The following PLEKHA7 variants were observed in gnomAD, a reference collection of about 807,000 sequenced individuals.
PLEKHA7 encodes the protein pleckstrin homology domain-containing family A member 7.
PLEKHA7 carries 104 observed loss-of-function variants against 170.0 expected under a neutral mutation model. The ratio of observed to expected loss-of-function variants is 0.61; its 90% CI spans 0.52 to 0.72. PLEKHA7 has a LOEUF of 0.72. PLEKHA7 is among the 30% of genes least tolerant of loss of function. PLEKHA7 has a pLI of 0.00. For missense variants in PLEKHA7, 1,615 were observed against 1,671.7 expected, an observed-to-expected ratio of 0.97 and a Z score of 0.59; for synonymous variants, 648 against 660.8, an observed-to-expected ratio of 0.98 and a Z score of 0.30.
chr11:17,013,245 G>C (rs572874576), intron 3 of PLEKHA7: 1 of 152,472 alleles, frequency 6.6e-6, no homozygotes, highest in Admixed American at 6.5e-5. Flanking sequence ...CACTTACTGC[G>C]CCCCAATCTG....
chr11:16,782,605 C>A (rs1849118537), intron 26 of PLEKHA7, 149 bp downstream of exon 26: 2 of 1,003,908 alleles, frequency 2.0e-6, no homozygotes, highest in South Asian at 3.2e-5. Flanking sequence ...GGACAGGATG[C>A]CGAGTGGTCA....
intron 3 of PLEKHA7, among the ~76,000 whole-genome samples, chr11:17,003,444 C>T (rs1272760609): frequency 6.6e-6 from 1 of 152,206 alleles, no homozygotes; most frequent in East Asian, 1.9e-4. Context: ...TCACCCTGCC[C>T]CATAGCTGTG....
intron 3 of PLEKHA7, among the ~76,000 whole-genome samples, chr11:16,930,991 T>G (rs577709408): frequency 6.6e-6 from 1 of 152,258 alleles, no homozygotes; most frequent in East Asian, 1.9e-4. Flanking sequence ...GCCTAGCACC[T>G]GGCACCTAGG....
chr11:16,998,807 C>T (rs184280815), intron 3 of PLEKHA7, among the ~76,000 whole-genome samples: 126 of 151,900 alleles, frequency 8.3e-4, no homozygotes, highest in African/African-American at 2.9e-3. Flanking sequence ...TAGCATTCAA[C>T]CATATTTTTT....
chr11:16,953,045 G>A (rs1438686658), intron 3 of PLEKHA7, among the ~76,000 whole-genome samples: 2 of 152,220 alleles, frequency 1.3e-5, no homozygotes, highest in Admixed American at 6.5e-5. Context: ...CAAGATTTGG[G>A]GAACCCTTGC....
At chr11:16,981,460 C>T (rs1428546840) in intron 3 of PLEKHA7, among the ~76,000 whole-genome samples, 1 of 152,118 alleles carries the variant, frequency 6.6e-6, no homozygotes, top group Non-Finnish European at 1.5e-5. Context: ...CTTCCTGGAA[C>T]ACCTGCTGCT....
chr11:16,783,787 A>G lies in PLEKHA7; in HGVS notation c.3563T>C (p.Leu1188Pro). The change falls in exon 25 of 27, where the codon CTA becomes CCA. Residue 1188 changes from leucine (L) to proline (P), a missense_variant. Physicochemically the swap from Leu to Pro is moderately conservative, Grantham distance 98 (BLOSUM62 -3). Transcript: ENST00000531066. The part of the protein sequence containing the change: ...KVSIPERYVE[L>P]DPEEPPSLEE... The stretch of plus-strand genomic sequence containing the variant: ...AAGGCTGGGTGGCTCTTCGGGATCT[A>G]GCTCCACGTAGCGCTCAGGGATTGA... 1 of 1,513,570 alleles carries G rather than the reference A, an allele frequency of 6.6e-7. No homozygotes were observed. Among genetic ancestry groups the G allele is most frequent in the Non-Finnish European group, 8.8e-7 (1 of 1,136,060 alleles). 93.8% of individuals were successfully genotyped at this position (1,513,570 alleles called of 1,614,324 possible).
intron 12 of PLEKHA7, among the ~76,000 whole-genome samples, chr11:16,815,544 T>C (rs1206835491): frequency 6.6e-6 from 1 of 152,146 alleles, no homozygotes; most frequent in Non-Finnish European, 1.5e-5. Context: ...TCTTCTGCTT[T>C]GAGACAGTCT....
Position 16,816,961 on chromosome 11 carries a change from A to G in PLEKHA7, c.1705T>C (p.Ser569Pro). 1.2e-6 allele frequency: 2 copies of G among 1,611,444 alleles called. No homozygotes were observed. The highest frequency in any genetic ancestry group is 1.7e-6 in the Non-Finnish European group (2 of 1,178,630). Residue 569 changes from serine to proline, a missense_variant, in exon 11 of 27, where the codon TCT (serine) becomes CCT (proline). By Grantham distance (74) the Ser-to-Pro change is moderately conservative. Coordinates refer to ENST00000531066, the MANE Select transcript of PLEKHA7 (RefSeq NM_001329630.2). Reference protein sequence around the residue: ...EVPRSISVPPSPSDIPPPGPP... With the variant: ...EVPRSISVPPPPSDIPPPGPP... Reference sequence around the variant, plus strand: ...CCTGGGGGAGGGATGTCCGAGGGAGATGGAGGCACAGAGATGGAGCGGGGC... The same window carrying G: ...CCTGGGGGAGGGATGTCCGAGGGAGGTGGAGGCACAGAGATGGAGCGGGGC...
At chr11:16,924,925 G>A (rs1859394104) in intron 3 of PLEKHA7, among the ~76,000 whole-genome samples, 1 of 152,188 alleles carries the variant, frequency 6.6e-6, no homozygotes, top group South Asian at 2.1e-4. Context: ...GGGCTGGGAC[G>A]GGCGCCTGGA....
chr11:16,972,784 T>C (rs922040646), intron 3 of PLEKHA7, among the ~76,000 whole-genome samples: 1 of 152,168 alleles, frequency 6.6e-6, no homozygotes, highest in Non-Finnish European at 1.5e-5. Context: ...TAAATAGCCA[T>C]TAACTTACCA....
chr11:16,965,359 C>A (rs1266946704), intron 3 of PLEKHA7, among the ~76,000 whole-genome samples: 1 of 152,024 alleles, frequency 6.6e-6, no homozygotes. Flanking sequence ...CTATCTTAGA[C>A]CAATTCTTCC....
Position 16,915,621 on chromosome 11 carries a change from T to G in PLEKHA7, c.222-44439A>C, listed in dbSNP as rs1400756671. On this transcript the variant is annotated intron_variant, in intron 3 of 26. Coordinates refer to ENST00000531066, the MANE Select transcript of PLEKHA7 (RefSeq NM_001329630.2). Reference sequence around the variant, plus strand: ...AGTGAGAATATGCAGTGTTTGGTTTTTTGTTCTTGCGATAGTTTACTGAGA... The same window carrying G: ...AGTGAGAATATGCAGTGTTTGGTTTGTTGTTCTTGCGATAGTTTACTGAGA... 4.6e-5 allele frequency among the ~76,000 whole-genome samples: 7 copies of G among 151,144 alleles called. No individual in the cohort carries two copies. In the East Asian group the frequency reaches 1.2e-3, roughly 25 times the overall value.
rs1849794467 is a variant in PLEKHA7, at chr11:16,816,848, G to A, written c.1818C>T (p.Asp606=). ...VKPPDQRRSV[D]ISLGDSPRRA... ...TCCTTGGAGAATCCCCCAGCGAGAT[G>A]TCCACACTCCTCCTCTGGTCCGGTG... Residue 606 remains aspartate, a synonymous_variant, in exon 11 of 27, where the codon GAC becomes GAT. Transcript: ENST00000531066. 1.2e-6 allele frequency: 2 copies of A among 1,614,134 alleles called. No homozygotes were observed. The highest frequency in any genetic ancestry group is 1.7e-6 in the Non-Finnish European group (2 of 1,180,018).
At chr11:16,853,101 T>C (rs1328566214) in intron 6 of PLEKHA7, among the ~76,000 whole-genome samples, 1 of 152,174 alleles carries the variant, frequency 6.6e-6, no homozygotes, top group African/African-American at 2.4e-5. Context: ...CTGCCAGTGT[T>C]TTGAGAGGCT....
chr11:16,816,214 G>A lies in PLEKHA7; in HGVS notation c.1917C>T (p.Thr639=), dbSNP rs745529222. 5 of 1,613,790 alleles carry A rather than the reference G, an allele frequency of 3.1e-6. No individual in the cohort carries two copies. The Admixed American group carries it at 6.7e-5, about 22-fold the overall frequency. ...GTAAACTGGGAGCGCTGACGGTGTG[G>A]GTCATGTAACCCATGGAGGGCATGG... ...RRSMPSMGYM[T]HTVSAPSLHG... The change falls in exon 12 of 27, where the codon ACC becomes ACT. Residue 639 remains threonine, a synonymous_variant. Transcript: ENST00000531066.
At chr11:16,933,661 G>T (rs905261765) in intron 3 of PLEKHA7, among the ~76,000 whole-genome samples, 2 of 152,192 alleles carry the variant, frequency 1.3e-5, no homozygotes, top group Admixed American at 6.5e-5. Context: ...ACTCTATTTT[G>T]GACATGTTAG....
intron 21 of PLEKHA7, chr11:16,790,139 T>G (rs534940227): frequency 3.1e-4 from 147 of 476,748 alleles, no homozygotes; most frequent in African/African-American, 2.7e-3. Context: ...TACATGCAGA[T>G]GACTGGGCTG....
rs912560878 is a variant in PLEKHA7 at position 16,777,531 on chromosome 11, T to G, written c.*1467A>C. 6.6e-6 allele frequency: 1 copy of G among 152,174 alleles called. No homozygotes were observed. Among genetic ancestry groups the G allele is most frequent in the Non-Finnish European group, 1.5e-5 (1 of 68,018 alleles). 9.4% of individuals were successfully genotyped at this position (152,174 alleles called of 1,614,324 possible). A position where few individuals can be genotyped will look rare whatever the true frequency, so the allele number is the denominator to read the frequency against. ...AAAATTCTATTTTTTTTTCTGAGCA[T>G]AGTCAAAGAGAAATTTTCATTTAAA... On this transcript the variant is annotated 3_prime_UTR_variant, in exon 27 of 27. Coordinates refer to ENST00000531066, the MANE Select transcript of PLEKHA7 (RefSeq NM_001329630.2).
Sources: gnomAD v4.1 joint callset for allele counts (sites outside exome capture counted in the v4.1 genomes callset) on GRCh38, gnomAD v4.1.1 for gene constraint, MANE v1.5 for transcripts, NCBI Gene and HGNC (gene_info 2026-07-23, HGNC 2026-07-21) for gene names.